The following PPM1K variants were observed in gnomAD, a reference collection of about 807,000 sequenced individuals.
The protein encoded by PPM1K is protein phosphatase Mn(2+)-dependent 1K.
Under a neutral mutation model 32.6 loss-of-function variants are expected in PPM1K, and 19 were observed. The ratio of observed to expected loss-of-function variants is 0.58; its 90% CI spans 0.41 to 0.86. PPM1K has a LOEUF of 0.86. Ranked by LOEUF, PPM1K falls within the 40% of genes least tolerant of loss-of-function variation. PPM1K has a pLI of 0.00. For missense variants in PPM1K, 362 were observed against 461.2 expected (o/e 0.78, Z 1.97); for synonymous variants, 159 against 165.3 (o/e 0.96, Z 0.29).
At chr4:88,279,352 T>C (rs1205515771) in intron 1 of PPM1K, 1 of 152,254 alleles carries the variant, frequency 6.6e-6, no homozygotes, top group African/African-American at 2.4e-5. Flanking sequence ...TAAATATAAA[T>C]TGGTGTGCAA....
intron 5 of PPM1K, among the ~76,000 whole-genome samples, chr4:88,267,311 G>T (rs1187329903): frequency 6.6e-6 from 1 of 151,004 alleles, no homozygotes; most frequent in Non-Finnish European, 1.5e-5. Flanking sequence ...TGCAGGTGAT[G>T]CTGATTGCTT....
intron 6 of PPM1K, among the ~76,000 whole-genome samples, chr4:88,264,515 G>C (rs1426073104): frequency 6.6e-6 from 1 of 152,100 alleles, no homozygotes. Flanking sequence ...GTTGGACTTG[G>C]GAACCTAGTT....
intron 6 of PPM1K, among the ~76,000 whole-genome samples, chr4:88,264,339 A>C (rs1731229030): frequency 6.6e-6 from 1 of 152,192 alleles, no homozygotes; most frequent in Non-Finnish European, 1.5e-5. Flanking sequence ...GATATTACCC[A>C]GCTTTCTTTT....
At position 88,280,904 on chromosome 4, in the gene PPM1K, A is replaced by G. The variant is rs114130419; in HGVS notation, c.-59-2262T>C. ...GAAATAACACATTCCATTGCAAGAGATGTTTGTTCTTTTGCTTCTAATTGA... is the reference window on the plus strand; with the variant it reads ...GAAATAACACATTCCATTGCAAGAGGTGTTTGTTCTTTTGCTTCTAATTGA... On this transcript the variant is annotated intron_variant, in intron 1 of 6. Transcript: ENST00000608933. 2.8e-3 allele frequency among the ~76,000 whole-genome samples: 420 copies of G among 152,246 alleles called. 2 individuals are homozygous for G. Among genetic ancestry groups the G allele is most frequent in the African/African-American group, 9.3e-3 (387 of 41,550 alleles).
intron 1 of PPM1K, among the ~76,000 whole-genome samples, chr4:88,280,251 G>A (rs1292070088): frequency 6.6e-6 from 1 of 152,082 alleles, no homozygotes; most frequent in Non-Finnish European, 1.5e-5. Flanking sequence ...TCAATCTTTA[G>A]ATATTTAAGC....
chr4:88,276,215 T>A (rs1474544285), intron 3 of PPM1K: 4 of 985,334 alleles, frequency 4.1e-6, no homozygotes, highest in Non-Finnish European at 4.8e-6. Flanking sequence ...ACAATCTCTA[T>A]CCTTATGTAT....
Position 88,277,724 on chromosome 4 carries a change from C to T in PPM1K, c.440+420G>A, listed in dbSNP as rs187730184. ...AAATGCCTGCATTAAATGCATTTTTCCACACTAATGCCAATCATCCAAAGC... is the reference window on the plus strand; with the variant it reads ...AAATGCCTGCATTAAATGCATTTTTTCACACTAATGCCAATCATCCAAAGC... On this transcript the variant is annotated intron_variant, in intron 2 of 6. Transcript: ENST00000608933. 281 of 204,808 alleles carry T rather than the reference C, an allele frequency of 1.4e-3. 1 individual carries two copies. The highest frequency in any genetic ancestry group is 6.2e-3 in the African/African-American group (264 of 42,830). 12.7% of individuals were successfully genotyped at this position (204,808 alleles called of 1,614,324 possible).
At position 88,266,265 on chromosome 4, in the gene PPM1K, T is replaced by C. The variant is rs530901057; in HGVS notation, c.853-1130A>G. ...GGACTGGGTGTGTGTTGGGGGGCAG[T>C]TCAGGACAATGAAGACACTGATTAG... is the stretch of plus-strand genomic sequence containing the variant. On this transcript the variant is annotated intron_variant, in intron 5 of 6. Coordinates refer to ENST00000608933, the MANE Select transcript of PPM1K (RefSeq NM_152542.5). Among the ~76,000 whole-genome samples the C allele has an allele frequency of 2.6e-5, 4 of 152,324 alleles. No homozygotes were observed. In the South Asian group the frequency reaches 8.3e-4, roughly 32 times the overall value.
Position 88,276,610 on chromosome 4 carries a change from G to A in PPM1K, c.541+533C>T. ...AAAGCTGCAAGATTGAGCTTTTTAAGAAGTGACAGAAAAATATTTTCCTTC... is the reference window on the plus strand; with the variant it reads ...AAAGCTGCAAGATTGAGCTTTTTAAAAAGTGACAGAAAAATATTTTCCTTC... On this transcript the variant is annotated intron_variant, in intron 3 of 6. Transcript: ENST00000608933. The A allele has an allele frequency of 3.0e-6, 3 of 984,838 alleles. No homozygotes were observed. In the South Asian group the frequency reaches 1.4e-4, roughly 46 times the overall value. 61.0% of individuals were successfully genotyped at this position (984,838 alleles called of 1,614,324 possible).
chr4:88,279,891 G>C (rs1731942327), intron 1 of PPM1K, among the ~76,000 whole-genome samples: 1 of 152,086 alleles, frequency 6.6e-6, no homozygotes, highest in Non-Finnish European at 1.5e-5. Context: ...AAATGAACTT[G>C]AAAAAATGTA....
rs775115984 is a variant in PPM1K at position 88,265,148 on chromosome 4, C to T, written c.853-13G>A. 20 of 1,613,974 alleles carry T rather than the reference C, an allele frequency of 1.2e-5. No homozygotes were observed. The highest frequency in any genetic ancestry group is 1.6e-5 in the Non-Finnish European group (19 of 1,179,912). The stretch of plus-strand genomic sequence containing the variant: ...CAGCATGATGTAACTGCAATCAGAA[C>T]CAAATGCCTATGATTATAAGCTAGA... On this transcript the variant is annotated splice_polypyrimidine_tract_variant and intron_variant, in intron 5 of 6. Transcript: ENST00000608933.
intron 3 of PPM1K, among the ~76,000 whole-genome samples, chr4:88,273,432 G>C (rs1731638687): frequency 1.3e-5 from 2 of 152,330 alleles, no homozygotes; most frequent in South Asian, 2.1e-4. Flanking sequence ...TGTAATCCCA[G>C]CACTTTGGGA....
chr4:88,283,369 T>C (rs1226175173), intron 1 of PPM1K, among the ~76,000 whole-genome samples: 1 of 152,254 alleles, frequency 6.6e-6, no homozygotes, highest in African/African-American at 2.4e-5. Flanking sequence ...CCTTCCAAAG[T>C]GCTGTGATCA....
At chr4:88,276,748 T>C (rs968047279) in intron 3 of PPM1K, 2 of 998,142 alleles carry the variant, frequency 2.0e-6, no homozygotes, top group Non-Finnish European at 2.4e-6. Context: ...TACCCTGTAG[T>C]GTATTTCAGC....
intron 1 of PPM1K, chr4:88,283,869 C>T (rs1332886876): frequency 1.3e-5 from 2 of 152,452 alleles, no homozygotes; most frequent in Non-Finnish European, 2.9e-5. Flanking sequence ...GCCCGCCTGC[C>T]TGCGAAGCCT....
chr4:88,272,141 T>C (rs1257911280), intron 3 of PPM1K, among the ~76,000 whole-genome samples: 1 of 151,920 alleles, frequency 6.6e-6, no homozygotes, highest in East Asian at 2.0e-4. Context: ...TCAATATTTA[T>C]TAAAAATGGG....
At chr4:88,272,550 G>GTT (rs1731605675) in intron 3 of PPM1K, among the ~76,000 whole-genome samples, 2 of 152,108 alleles carry the variant, frequency 1.3e-5, no homozygotes, top group South Asian at 4.1e-4. Context: ...TTTGTTCTAA[G>GTT]TGGCTATCTC....
chr4:88,267,054 G>C (rs1443053355), intron 5 of PPM1K, among the ~76,000 whole-genome samples: 1 of 150,098 alleles, frequency 6.7e-6, no homozygotes. Flanking sequence ...CTGGATGCAG[G>C]TGATGCTGAT....
At chr4:88,264,042 T>G (rs1731221636) in intron 6 of PPM1K, among the ~76,000 whole-genome samples, 1 of 152,212 alleles carries the variant, frequency 6.6e-6, no homozygotes, top group Non-Finnish European at 1.5e-5. Context: ...CTTTGTGAAT[T>G]AGAATGCAAA....
Sources: gnomAD v4.1 joint callset for allele counts (sites outside exome capture counted in the v4.1 genomes callset) on GRCh38, gnomAD v4.1.1 for gene constraint, MANE v1.5 for transcripts, NCBI Gene and HGNC (gene_info 2026-07-23, HGNC 2026-07-21) for gene names.